ADAMTS16: variants seen among roughly 807,000 people sequenced by gnomAD.
The protein encoded by ADAMTS16 is ADAM metallopeptidase with thrombospondin type 1 motif 16, also known as A disintegrin and metalloproteinase with thrombospondin motifs 16.
In ADAMTS16, 94 loss-of-function variants were observed where a neutral mutation model predicts 145.8. The observed-to-expected ratio is 0.64, with a 90% CI of 0.55 to 0.77. The LOEUF is 0.77. Ranked by LOEUF, ADAMTS16 falls within the 30% of genes least tolerant of loss-of-function variation. The pLI, the probability that ADAMTS16 is intolerant of heterozygous loss-of-function variation, is 0.00. For synonymous variants in ADAMTS16, 659 were observed against 604.3 expected (o/e 1.09, Z -1.33); for missense variants, 1,585 against 1,591.5 (o/e 1.00, Z 0.07).
chr5:5,215,366 T>C (rs1484506190), intron 10 of ADAMTS16, among the ~76,000 whole-genome samples: 3 of 152,120 alleles, frequency 2.0e-5, no homozygotes, highest in Non-Finnish European at 2.9e-5. Flanking sequence ...CCATAAGTCA[T>C]TGGGGTACAG....
chr5:5,319,148 G>C lies in ADAMTS16; in HGVS notation c.*10G>C. ...TAAGTCCAACTTGTGAGTTGGGACCGCTCTCCGTAGCAGAGAAAGTGCCTG... is the reference window on the plus strand; with the variant it reads ...TAAGTCCAACTTGTGAGTTGGGACCCCTCTCCGTAGCAGAGAAAGTGCCTG... On this transcript the variant is annotated 3_prime_UTR_variant, in exon 23 of 23. Coordinates refer to ENST00000274181, the MANE Select transcript of ADAMTS16 (RefSeq NM_139056.4). The C allele has an allele frequency of 6.3e-7, 1 of 1,583,594 alleles. No homozygotes were observed. Among genetic ancestry groups the C allele is most frequent in the South Asian group, 1.1e-5 (1 of 88,380 alleles).
chr5:5,228,593 T>C (rs947864203), intron 11 of ADAMTS16, among the ~76,000 whole-genome samples: 33 of 152,276 alleles, frequency 2.2e-4, no homozygotes, highest in Middle Eastern at 3.4e-3. Flanking sequence ...TAAGAGGCTG[T>C]AGCCTCTTAA....
At chr5:5,284,629 T>A (rs577329839) in intron 18 of ADAMTS16, among the ~76,000 whole-genome samples, 2 of 152,228 alleles carry the variant, frequency 1.3e-5, no homozygotes, top group Non-Finnish European at 2.9e-5. Flanking sequence ...AGCTCGTTAA[T>A]AGAATTCTGT....
intron 3 of ADAMTS16, among the ~76,000 whole-genome samples, chr5:5,171,937 ATAT>A (rs2126543448): frequency 6.6e-6 from 1 of 152,128 alleles, no homozygotes; most frequent in Non-Finnish European, 1.5e-5. Flanking sequence ...CATGGCTTTG[ATAT>A]TATTATTTGT....
At chr5:5,149,338 C>T (rs530084652) in intron 3 of ADAMTS16, among the ~76,000 whole-genome samples, 5 of 148,752 alleles carry the variant, frequency 3.4e-5, no homozygotes, top group Admixed American at 1.3e-4. Flanking sequence ...ATGTGTGTCA[C>T]TCAGGTACTT....
Position 5,216,065 on chromosome 5 carries a change from G to A in ADAMTS16, c.1606-6724G>A, listed in dbSNP as rs529832725. 1.8e-4 allele frequency among the ~76,000 whole-genome samples: 28 copies of A among 151,754 alleles called. No individual in the cohort carries two copies. In the South Asian group the frequency reaches 5.8e-3, roughly 32 times the overall value. ...CCTCTGGGTAGATACCCAGTAGTGG[G>A]ATTGCTGGATCAAATGGTAGTTCTA... On this transcript the variant is annotated intron_variant, in intron 10 of 22. Coordinates refer to ENST00000274181, the MANE Select transcript of ADAMTS16 (RefSeq NM_139056.4).
intron 9 of ADAMTS16, 120 bp downstream of exon 9, chr5:5,200,389 G>C: frequency 1.5e-6 from 2 of 1,328,358 alleles, no homozygotes; most frequent in East Asian, 2.3e-5. Context: ...CCCTTTGAAG[G>C]TGTCTTGAGA....
At chr5:5,285,258 A>G (rs1460672058) in intron 18 of ADAMTS16, among the ~76,000 whole-genome samples, 1 of 152,238 alleles carries the variant, frequency 6.6e-6, no homozygotes, top group African/African-American at 2.4e-5. Flanking sequence ...GACCAACAGA[A>G]GCGTTATTTC....
intron 11 of ADAMTS16, among the ~76,000 whole-genome samples, chr5:5,229,275 G>A (rs539738083): frequency 1.4e-4 from 20 of 138,262 alleles, no homozygotes; most frequent in East Asian, 1.0e-3. Context: ...TCCGCAGTCC[G>A]GCCTGGGCGA....
At chr5:5,283,477 C>G (rs1378475746) in intron 18 of ADAMTS16, among the ~76,000 whole-genome samples, 1 of 152,034 alleles carries the variant, frequency 6.6e-6, no homozygotes, top group African/African-American at 2.4e-5. Flanking sequence ...CCCCCACCTC[C>G]CCCCCAGAAA....
intron 5 of ADAMTS16, among the ~76,000 whole-genome samples, chr5:5,186,605 G>A (rs558671158): frequency 6.6e-6 from 1 of 152,268 alleles, no homozygotes; most frequent in South Asian, 2.1e-4. Flanking sequence ...CATTAGATGT[G>A]TGATTTTAGA....
At chr5:5,311,300 C>CAAAAAAAAAA (rs57267931) in intron 21 of ADAMTS16, among the ~76,000 whole-genome samples, 3 of 128,018 alleles carry the variant, frequency 2.3e-5, no homozygotes, top group Admixed American at 7.9e-5. Context: ...TTGACATAGG[C>CAAAAAAAAAA]AAAAAAAAAA....
chr5:5,197,548 G>A (rs1352222109), intron 8 of ADAMTS16, among the ~76,000 whole-genome samples: 1 of 152,134 alleles, frequency 6.6e-6, no homozygotes, highest in African/African-American at 2.4e-5. Context: ...AGGGGAAAAA[G>A]ATAAAATATA....
intron 4 of ADAMTS16, among the ~76,000 whole-genome samples, chr5:5,184,879 A>T (rs1307369527): frequency 6.6e-6 from 1 of 152,054 alleles, no homozygotes; most frequent in Non-Finnish European, 1.5e-5. Flanking sequence ...TCCTAAAGCC[A>T]TTTTTCCACC....
Position 5,140,731 on chromosome 5 carries a change from C to T in ADAMTS16, c.140C>T (p.Pro47Leu). Residue 47 changes from proline (P) to leucine (L), a missense_variant, in exon 2 of 23, where the codon CCA (proline) becomes CTA (leucine). Pro to Leu is a moderately conservative substitution (Grantham distance 98). Transcript: ENST00000274181. ...AGCCCGAGCGTCCCGCGTCCTCCTCCACCCGCGGAGCGGCCGGGCTGGATG... is the reference window on the plus strand; with the variant it reads ...AGCCCGAGCGTCCCGCGTCCTCCTCTACCCGCGGAGCGGCCGGGCTGGATG... ...PGSPSVPRPP[P>L]PAERPGWMEK... is the part of the protein sequence containing the mutation. 6.4e-7 allele frequency: 1 copy of T among 1,570,362 alleles called. No individual in the cohort carries two copies. The highest frequency in any genetic ancestry group is 8.6e-7 in the Non-Finnish European group (1 of 1,159,434).
chr5:5,225,033 A>C lies in ADAMTS16; in HGVS notation c.1701+2149A>C, dbSNP rs147756249. Among the ~76,000 whole-genome samples the C allele has an allele frequency of 5.6e-3, 850 of 151,788 alleles. 1 individual carries two copies. The highest frequency in any genetic ancestry group is 8.6e-3 in the Non-Finnish European group (584 of 67,874). ...GCTTTTTCCTTTGTACCAAAAAAAA[A>C]CAAAAAGGCTATGCTGAGATAGAGT... On this transcript the variant is annotated intron_variant, in intron 11 of 22. Transcript: ENST00000274181.
At chr5:5,142,552 C>A (rs1734195257) in intron 2 of ADAMTS16, among the ~76,000 whole-genome samples, 1 of 152,212 alleles carries the variant, frequency 6.6e-6, no homozygotes, top group South Asian at 2.1e-4. Context: ...AACAGTGTTG[C>A]CTGTTTCCCT....
At position 5,190,792 on chromosome 5, in the gene ADAMTS16, G is replaced by A. The variant is rs138360082; in HGVS notation, c.1207+662G>A. On this transcript the variant is annotated intron_variant, in intron 7 of 22. Coordinates refer to ENST00000274181, the MANE Select transcript of ADAMTS16 (RefSeq NM_139056.4). Reference sequence around the variant, plus strand: ...CAAAAGCAAGTTAACGTGGTGTCCCGGCTGCTTGTCCTTAGACAGCCCTCC... The same window carrying A: ...CAAAAGCAAGTTAACGTGGTGTCCCAGCTGCTTGTCCTTAGACAGCCCTCC... 2.3e-3 allele frequency among the ~76,000 whole-genome samples: 353 copies of A among 152,150 alleles called. 3 individuals carry two copies. Among genetic ancestry groups the A allele is most frequent in the African/African-American group, 8.1e-3 (337 of 41,508 alleles).
At chr5:5,208,725 C>T (rs1409306715) in intron 9 of ADAMTS16, among the ~76,000 whole-genome samples, 1 of 152,126 alleles carries the variant, frequency 6.6e-6, no homozygotes, top group African/African-American at 2.4e-5. Flanking sequence ...TTATAATGCC[C>T]ATCTTTTGGT....
Sources: allele counts gnomAD v4.1 joint callset (sites outside exome capture counted in the v4.1 genomes callset), GRCh38; gene constraint gnomAD v4.1.1; transcripts MANE v1.5; gene names NCBI Gene and HGNC (gene_info 2026-07-23, HGNC 2026-07-21).